The following SYNPR variants were observed in gnomAD, a reference collection of about 807,000 sequenced individuals.
The protein encoded by SYNPR is synaptoporin.
Under a neutral mutation model 32.9 loss-of-function variants are expected in SYNPR, and 23 were observed. The ratio of observed to expected loss-of-function variants is 0.70; its 90% CI spans 0.50 to 0.99. The LOEUF (loss-of-function observed/expected upper bound fraction) is 0.99, where lower values mean the gene tolerates loss of function less well. Ranked by LOEUF, SYNPR falls within the 50% of genes least tolerant of loss-of-function variation. The probability of loss-of-function intolerance (pLI) is 0.00; values close to 1 mark genes in which losing one functional copy is unlikely to be tolerated. For missense variants in SYNPR, 318 were observed against 349.3 expected (o/e 0.91, Z 0.71); for synonymous variants, 146 against 135.9 (o/e 1.07, Z -0.52).
intron 4 of SYNPR, among the ~76,000 whole-genome samples, chr3:63,591,722 C>T (rs1291592233): frequency 1.5e-5 from 2 of 131,288 alleles, no homozygotes; most frequent in Non-Finnish European, 3.2e-5. Context: ...AACCAAACAC[C>T]GCATATTCTC....
intron 3 of SYNPR, among the ~76,000 whole-genome samples, chr3:63,498,085 T>A (rs548661568): frequency 1.3e-5 from 2 of 152,252 alleles, no homozygotes; most frequent in Admixed American, 6.5e-5. Flanking sequence ...CCTCGTTCAT[T>A]CACTCATTTG....
chr3:63,547,109 T>C (rs537941848), intron 3 of SYNPR, among the ~76,000 whole-genome samples: 1 of 152,246 alleles, frequency 6.6e-6, no homozygotes, highest in African/African-American at 2.4e-5. Flanking sequence ...AAAATGTGTG[T>C]GTACTAGATC....
At chr3:63,382,957 CTGTTACTACAA>C (rs140973885) in intron 2 of SYNPR, among the ~76,000 whole-genome samples, 2,083 of 152,318 alleles carry the variant, frequency 0.014, 24 homozygotes, top group African/African-American at 0.032. Flanking sequence ...TCTATCTCCT[CTGTTACTACAA>C]TCTGCTCATT....
chr3:63,341,689 T>C (rs909682427), intron 2 of SYNPR, among the ~76,000 whole-genome samples: 4 of 152,200 alleles, frequency 2.6e-5, no homozygotes, highest in Non-Finnish European at 1.5e-5. Flanking sequence ...TTTGCTTAAT[T>C]TTACTTATTT....
At chr3:63,246,920 G>A (rs1398554250) in intron 1 of SYNPR, among the ~76,000 whole-genome samples, 1 of 151,658 alleles carries the variant, frequency 6.6e-6, no homozygotes, top group African/African-American at 2.4e-5. Flanking sequence ...CAGCATTATC[G>A]TAAACATTAA....
At chr3:63,354,827 C>G (rs1012032220) in intron 2 of SYNPR, among the ~76,000 whole-genome samples, 3 of 152,212 alleles carry the variant, frequency 2.0e-5, no homozygotes, top group Admixed American at 2.0e-4. Context: ...TTATGAGCTA[C>G]TGACATGCAT....
intron 2 of SYNPR, among the ~76,000 whole-genome samples, chr3:63,254,173 T>C (rs1280309995): frequency 6.6e-6 from 1 of 151,472 alleles, no homozygotes; most frequent in Non-Finnish European, 1.5e-5. Flanking sequence ...TGTTGTGGGG[T>C]GGGGGGAGAG....
intron 2 of SYNPR, among the ~76,000 whole-genome samples, chr3:63,295,795 C>A (rs903811556): frequency 6.6e-6 from 1 of 152,202 alleles, no homozygotes; most frequent in Non-Finnish European, 1.5e-5. Context: ...TACTTAGAGC[C>A]ATGAGATTAG....
intron 2 of SYNPR, among the ~76,000 whole-genome samples, chr3:63,399,699 G>A (rs2107099111): frequency 6.6e-6 from 1 of 152,202 alleles, no homozygotes; most frequent in South Asian, 2.1e-4. Flanking sequence ...CTTGCCTGTG[G>A]TAGACTAGGT....
intron 2 of SYNPR, among the ~76,000 whole-genome samples, chr3:63,466,884 G>T (rs1191137219): frequency 6.6e-6 from 1 of 152,174 alleles, no homozygotes; most frequent in African/African-American, 2.4e-5. Flanking sequence ...CACACTGGGG[G>T]TTGGGACTTT....
At chr3:63,289,891 G>A (rs1203264428) in intron 2 of SYNPR, among the ~76,000 whole-genome samples, 1 of 152,106 alleles carries the variant, frequency 6.6e-6, no homozygotes, top group Non-Finnish European at 1.5e-5. Context: ...AGCACTTTGG[G>A]AGGCTGAGGC....
chr3:63,398,343 G>T (rs1235114558), intron 2 of SYNPR, among the ~76,000 whole-genome samples: 2 of 152,180 alleles, frequency 1.3e-5, no homozygotes, highest in African/African-American at 4.8e-5. Context: ...TAAAAGCATG[G>T]TATCTAGAAT....
chr3:63,264,819 G>T (rs961910183), intron 2 of SYNPR, among the ~76,000 whole-genome samples: 3 of 152,150 alleles, frequency 2.0e-5, no homozygotes, highest in Admixed American at 6.6e-5. Context: ...TGGAAGGACG[G>T]AGTGAGGGCA....
chr3:63,329,268 A>C (rs2087199326), intron 2 of SYNPR, among the ~76,000 whole-genome samples: 1 of 152,196 alleles, frequency 6.6e-6, no homozygotes, highest in African/African-American at 2.4e-5. Context: ...CCTACATTAT[A>C]GTTTAATTAT....
At chr3:63,227,229 C>T (rs7639463), upstream of SYNPR, among the ~76,000 whole-genome samples, 119,338 of 152,132 alleles carry the variant, frequency 0.78, 47,356 homozygotes, top group Middle Eastern at 0.88. Context: ...AGACAGAGAG[C>T]GCTCCTTTGA....
At chr3:63,595,834 TA>T (rs1422183935) in intron 4 of SYNPR, among the ~76,000 whole-genome samples, 3,123 of 57,926 alleles carry the variant, frequency 0.054, 360 homozygotes, top group South Asian at 0.095. Flanking sequence ...TATATATAGT[TA>T]TATATATAGT....
chr3:63,278,269 C>T (rs1466932812), upstream of SYNPR: 1 of 486,222 alleles, frequency 2.1e-6, no homozygotes, highest in Admixed American at 3.7e-5. Flanking sequence ...GTTTCCCCCT[C>T]CCCTGTTGTA....
intron 4 of SYNPR, among the ~76,000 whole-genome samples, chr3:63,564,768 A>G (rs1208120415): frequency 6.6e-6 from 1 of 152,234 alleles, no homozygotes; most frequent in African/African-American, 2.4e-5. Flanking sequence ...ATTCTTAATT[A>G]CAATTTAAAT....
chr3:63,378,286 A>G (rs562779904), intron 2 of SYNPR, among the ~76,000 whole-genome samples: 5 of 152,144 alleles, frequency 3.3e-5, no homozygotes, highest in Middle Eastern at 3.4e-3. Flanking sequence ...TTGTAAATAC[A>G]CAGAAAAATA....
Sources: gnomAD v4.1 joint callset for allele counts (sites outside exome capture counted in the v4.1 genomes callset) on GRCh38, gnomAD v4.1.1 for gene constraint, MANE v1.5 for transcripts, NCBI Gene and HGNC (gene_info 2026-07-23, HGNC 2026-07-21) for gene names.